Variants in RNF157 observed in about 807,000 individuals in gnomAD.
The protein encoded by RNF157 is ring finger protein 157, also known as E3 ubiquitin ligase RNF157.
A neutral mutation model predicts 88.3 loss-of-function variants in RNF157; 55 were observed. That is an observed-to-expected ratio of 0.62 (90% CI 0.50 to 0.78). RNF157 has a LOEUF of 0.78. RNF157 is among the 30% of genes least tolerant of loss of function. The pLI is 0.00. For synonymous variants in RNF157, 334 were observed against 341.2 expected (o/e 0.98, Z 0.23); for missense variants, 788 against 860.8 (o/e 0.92, Z 1.06).
At chr17:76,235,434 G>A (rs1050616913) in intron 1 of RNF157, among the ~76,000 whole-genome samples, 5 of 152,028 alleles carry the variant, frequency 3.3e-5, no homozygotes, top group Non-Finnish European at 4.4e-5. Context: ...TCCTGACCTC[G>A]TGATCTGCCC....
rs866788830 is a variant in RNF157 at position 76,157,001 on chromosome 17, G to A, written c.1414-680C>T. Among the ~76,000 whole-genome samples the A allele has an allele frequency of 5.5e-5, 8 of 146,710 alleles. No homozygotes were observed. Among genetic ancestry groups the A allele is most frequent in the Admixed American group, 2.7e-4 (4 of 14,550 alleles). On this transcript the variant is annotated intron_variant, in intron 13 of 18. Transcript: ENST00000269391. This position sits in a 1 kb window ranked among gnomAD's most constrained non-coding sequence, Gnocchi z 5.6. The stretch of plus-strand genomic sequence containing the variant: ...TTTTGAGATGGAGTCTCGCTCTGTT[G>A]CCCAGCCCAGGCTGGAGTGCAGTGG...
intron 14 of RNF157, among the ~76,000 whole-genome samples, 178 bp downstream of exon 14, chr17:76,156,032 C>G (rs945303501): frequency 6.6e-6 from 1 of 152,172 alleles, no homozygotes; most frequent in African/African-American, 2.4e-5. Context: ...TAGCTACAGG[C>G]AAGCCTGCTA....
At chr17:76,213,869 C>T (rs2069844422) in intron 1 of RNF157, among the ~76,000 whole-genome samples, 1 of 152,182 alleles carries the variant, frequency 6.6e-6, no homozygotes, top group South Asian at 2.1e-4. Flanking sequence ...AGCTTCCAAA[C>T]AGGGGAACAC....
intron 17 of RNF157, chr17:76,153,518 C>T (rs1367674698): frequency 6.6e-6 from 1 of 152,298 alleles, no homozygotes; most frequent in East Asian, 1.9e-4. Flanking sequence ...GAGGGAGGGG[C>T]CTCAGAGCAG....
At chr17:76,200,032 T>C (rs2069546544) in intron 2 of RNF157, among the ~76,000 whole-genome samples, 1 of 151,598 alleles carries the variant, frequency 6.6e-6, no homozygotes, top group African/African-American at 2.4e-5. Context: ...GGTCAGGAGA[T>C]CGAGACCATC....
At chr17:76,217,112 G>A (rs1309823271) in intron 1 of RNF157, among the ~76,000 whole-genome samples, 1 of 151,974 alleles carries the variant, frequency 6.6e-6, no homozygotes, top group Non-Finnish European at 1.5e-5. Context: ...AGGGGAAGAC[G>A]CATAAAATGT....
intron 2 of RNF157, among the ~76,000 whole-genome samples, chr17:76,197,759 T>G (rs2069501704): frequency 6.6e-6 from 1 of 152,152 alleles, no homozygotes; most frequent in Admixed American, 6.5e-5. Context: ...GACAATCATT[T>G]CCTGCAGGCA....
chr17:76,202,130 A>T (rs10048213), intron 2 of RNF157, among the ~76,000 whole-genome samples: 35,747 of 85,654 alleles, frequency 0.42, 4,182 homozygotes, highest in East Asian at 0.54. Context: ...TCTCTCTCTC[A>T]CACACACACA....
At chr17:76,210,392 C>G (rs576893444) in intron 2 of RNF157, among the ~76,000 whole-genome samples, 4 of 151,404 alleles carry the variant, frequency 2.6e-5, no homozygotes, top group South Asian at 4.2e-4. Flanking sequence ...AGATCGAGAC[C>G]ATCCTGGCTA....
intron 1 of RNF157, among the ~76,000 whole-genome samples, chr17:76,232,230 T>G (rs1350580546): frequency 6.6e-6 from 1 of 151,946 alleles, no homozygotes; most frequent in Non-Finnish European, 1.5e-5. Flanking sequence ...AAAACATAAA[T>G]TTAAAAAATT....
chr17:76,197,899 A>G lies in RNF157; in HGVS notation c.207+14465T>C, dbSNP rs140335714. Among the ~76,000 whole-genome samples the G allele has an allele frequency of 7.2e-5, 11 of 152,306 alleles. No homozygotes were observed. The East Asian group carries it at 9.6e-4, about 13-fold the overall frequency. Reference sequence around the variant, plus strand: ...AGACTTGAGATGGGAACGTCTGTGTATATTTATTTGAGGAACATGAACCCC... The same window carrying G: ...AGACTTGAGATGGGAACGTCTGTGTGTATTTATTTGAGGAACATGAACCCC... On this transcript the variant is annotated intron_variant, in intron 2 of 18. Transcript: ENST00000269391.
intron 2 of RNF157, among the ~76,000 whole-genome samples, chr17:76,182,252 G>C (rs1009072586): frequency 6.6e-6 from 1 of 152,172 alleles, no homozygotes; most frequent in Non-Finnish European, 1.5e-5. Context: ...TCAGGCGTTT[G>C]CTGACGAAGG....
intron 2 of RNF157, among the ~76,000 whole-genome samples, chr17:76,194,960 A>G (rs2069454456): frequency 6.6e-6 from 1 of 152,186 alleles, no homozygotes; most frequent in Non-Finnish European, 1.5e-5. Flanking sequence ...GTTTACAGTG[A>G]GCCGAGATAG....
chr17:76,177,525 G>T (rs1211739552), intron 2 of RNF157, among the ~76,000 whole-genome samples: 1 of 151,970 alleles, frequency 6.6e-6, no homozygotes, highest in Non-Finnish European at 1.5e-5. Context: ...GAGGGAAGGG[G>T]AAGGGGGAGA....
intron 3 of RNF157, among the ~76,000 whole-genome samples, chr17:76,170,845 C>T (rs2069001387): frequency 1.3e-5 from 2 of 152,058 alleles, no homozygotes; most frequent in African/African-American, 4.8e-5. Context: ...TTCCCATTCT[C>T]CAAATATTTA....
rs566276321 is a variant in RNF157, at chr17:76,154,837, T to C, written c.1764+415A>G. Among the ~76,000 whole-genome samples the C allele has an allele frequency of 6.6e-5, 10 of 152,198 alleles. No individual in the cohort carries two copies. In the South Asian group the frequency reaches 2.1e-3, roughly 32 times the overall value. On this transcript the variant is annotated intron_variant, in intron 16 of 18. Transcript: ENST00000269391. ...CTGTCTGCCTGCTAGACTGGGCTCC[T>C]AGATGGGTGCAGTGGGCTGGGGGTA... is the stretch of plus-strand genomic sequence containing the variant.
At position 76,237,897 on chromosome 17, in the gene RNF157, A is replaced by G. The variant is rs150482547; in HGVS notation, c.88+2256T>C. On this transcript the variant is annotated intron_variant, in intron 1 of 18. Coordinates refer to ENST00000269391, the MANE Select transcript of RNF157 (RefSeq NM_052916.3). ...CAGGAGTTCAAGACTTGCCTGGCCA[A>G]TATGGTGAAACCCCATCTCCACTAA... 2.7e-3 allele frequency among the ~76,000 whole-genome samples: 413 copies of G among 152,234 alleles called. 2 individuals are homozygous for G. The highest frequency in any genetic ancestry group is 9.5e-3 in the African/African-American group (395 of 41,518).
At position 76,176,361 on chromosome 17, in the gene RNF157, T is replaced by G. The variant is rs968782953; in HGVS notation, c.208-2571A>C. Among the ~76,000 whole-genome samples the G allele has an allele frequency of 6.6e-6, 1 of 152,062 alleles. No homozygotes were observed. The highest frequency in any genetic ancestry group is 1.5e-5 in the Non-Finnish European group (1 of 68,010). On this transcript the variant is annotated intron_variant, in intron 2 of 18. Coordinates refer to ENST00000269391, the MANE Select transcript of RNF157 (RefSeq NM_052916.3). This position sits in a 1 kb window ranked among gnomAD's most constrained non-coding sequence, Gnocchi z 4.2. The stretch of plus-strand genomic sequence containing the variant: ...TGGGATCCTAAAGGATAAATGAAAT[T>G]TGCAAATTCAGAGATAACAGAGAAG...
intron 2 of RNF157, among the ~76,000 whole-genome samples, chr17:76,192,735 G>A (rs2069407437): frequency 6.6e-6 from 1 of 152,006 alleles, no homozygotes; most frequent in East Asian, 1.9e-4. Flanking sequence ...CTGCCAGTGA[G>A]TTGTATGAAA....
Sources: allele counts gnomAD v4.1 joint callset (sites outside exome capture counted in the v4.1 genomes callset), GRCh38; gene constraint gnomAD v4.1.1; non-coding constraint Gnocchi (gnomAD v3.1); transcripts MANE v1.5; gene names NCBI Gene and HGNC (gene_info 2026-07-23, HGNC 2026-07-21).